CARM1: variants seen among roughly 807,000 people sequenced by gnomAD.
CARM1 encodes the protein histone-arginine methyltransferase CARM1.
CARM1 carries 14 observed loss-of-function variants against 72.7 expected under a neutral mutation model. That is an observed-to-expected ratio of 0.19 (90% CI 0.13 to 0.30). The LOEUF (loss-of-function observed/expected upper bound fraction) is 0.30. Among genes scored for constraint, CARM1 ranks in the 10% least tolerant of loss-of-function variants. The pLI is 1.00. For missense variants in CARM1, 432 were observed against 833.7 expected (o/e 0.52, Z 5.93); for synonymous variants, 333 against 345.5 (o/e 0.96, Z 0.40).
rs1568342773 is a variant in CARM1 at position 10,871,613 on chromosome 19, G to GGCGGCGGCGGCGGCGGCGGCGGCA, written c.-67_-66insAGCGGCGGCGGCGGCGGCGGCGGC. On this transcript the variant is annotated 5_prime_UTR_variant, in exon 1 of 16. Transcript: ENST00000327064. The surrounding 1 kb of genome is among the most constrained non-coding windows in gnomAD (Gnocchi z 5.6). The stretch of plus-strand genomic sequence containing the variant: ...CAGCGGCGGCGGCGGCGGCGGCGGC[G>GGCGGCGGCGGCGGCGGCGGCGGCA]GCGGCGGCGGCGGCGGCGGCGGCGG... The GGCGGCGGCGGCGGCGGCGGCGGCA allele has an allele frequency of 4.0e-3, 556 of 139,108 alleles. No homozygotes were observed. The highest frequency in any genetic ancestry group is 8.5e-3 in the Middle Eastern group (2 of 236). The allele number at this position is 139,108 out of a possible 1,614,324, so 8.6% of individuals were successfully genotyped here.
chr19:10,891,531 C>T lies in CARM1; in HGVS notation c.221-13420C>T, dbSNP rs536052019. Among the ~76,000 whole-genome samples the T allele has an allele frequency of 5.3e-5, 8 of 152,286 alleles. No homozygotes were observed. In the East Asian group the frequency reaches 1.4e-3, roughly 26 times the overall value. On this transcript the variant is annotated intron_variant, in intron 1 of 15. Transcript: ENST00000327064. ...CCAAGCTGAGGAAAGCAGGGCTGTC[C>T]GCCAGCCTCCAGCTGGGTCACAGAA...
rs368839569 is a variant in CARM1 at position 10,891,551 on chromosome 19, A to G, written c.221-13400A>G. ...CTGTCCGCCAGCCTCCAGCTGGGTC[A>G]CAGAAGAGGCTCAGGGCCTGTTCCC... On this transcript the variant is annotated intron_variant, in intron 1 of 15. Coordinates refer to ENST00000327064, the MANE Select transcript of CARM1 (RefSeq NM_199141.2). Among the ~76,000 whole-genome samples the G allele has an allele frequency of 3.0e-3, 460 of 152,268 alleles. 1 individual carries two copies. Among genetic ancestry groups the G allele is most frequent in the African/African-American group, 0.011 (447 of 41,572 alleles).
In CARM1 at chr19:10,904,865, G is replaced by C. The variant is rs554069263; in HGVS notation, c.221-86G>C. The C allele has an allele frequency of 5.8e-6, 9 of 1,544,046 alleles. No individual in the cohort carries two copies. The South Asian group carries it at 9.4e-5, about 16-fold the overall frequency. On this transcript the variant is annotated intron_variant, in intron 1 of 15. Transcript: ENST00000327064. ...AAGAATCTGGGGGCACCAAGGGGAG[G>C]CAGCAGGAGGGCGACAGGGACCCAG...
intron 1 of CARM1, among the ~76,000 whole-genome samples, chr19:10,892,004 C>A (rs2073991536): frequency 6.6e-6 from 1 of 152,162 alleles, no homozygotes; most frequent in South Asian, 2.1e-4. Flanking sequence ...GTGTGCACTG[C>A]CCCTCCTCCC....
At chr19:10,918,616 A>G (rs2074216513) in intron 8 of CARM1, among the ~76,000 whole-genome samples, 1 of 152,100 alleles carries the variant, frequency 6.6e-6, no homozygotes, top group Non-Finnish European at 1.5e-5. Context: ...TCACAAGCGC[A>G]CTGAGTGTGC....
Position 10,916,659 on chromosome 19 carries a change from G to T in CARM1, c.939-37G>T. ...GGCTACCCCACCTGCCTCTTCTGCAGCCCTGACCTTGCTGTGGGGGTGGGG... is the reference window on the plus strand; with the variant it reads ...GGCTACCCCACCTGCCTCTTCTGCATCCCTGACCTTGCTGTGGGGGTGGGG... On this transcript the variant is annotated intron_variant, in intron 7 of 15. Transcript: ENST00000327064. This position sits in a 1 kb window ranked among gnomAD's most constrained non-coding sequence, Gnocchi z 4.4. The T allele has an allele frequency of 6.5e-7, 1 of 1,547,508 alleles. No individual in the cohort carries two copies. Among genetic ancestry groups the T allele is most frequent in the Non-Finnish European group, 8.8e-7 (1 of 1,138,246 alleles).
chr19:10,902,749 C>T (rs557388126), intron 1 of CARM1, among the ~76,000 whole-genome samples: 2 of 152,032 alleles, frequency 1.3e-5, no homozygotes, highest in Non-Finnish European at 2.9e-5. Flanking sequence ...ATTGGGACTA[C>T]AGGCGCATGC....
chr19:10,893,413 A>T (rs1208581416), intron 1 of CARM1, among the ~76,000 whole-genome samples: 1 of 151,778 alleles, frequency 6.6e-6, no homozygotes, highest in Non-Finnish European at 1.5e-5. Flanking sequence ...ATCTCGGCTC[A>T]CTGCAACCTC....
chr19:10,908,723 C>CCTG, intron 3 of CARM1: 1 of 211,288 alleles, frequency 4.7e-6, no homozygotes, highest in Non-Finnish European at 9.8e-6. Flanking sequence ...CCACACCTCA[C>CCTG]CTGCCTGGCG....
At chr19:10,908,981 G>A (rs2074124987) in intron 3 of CARM1, 122 bp from the exon 4 acceptor site, 1 of 663,202 alleles carries the variant, frequency 1.5e-6, no homozygotes, top group Non-Finnish European at 2.7e-6. Context: ...GGCAGAGGGT[G>A]CACGACCTCC....
Position 10,915,858 on chromosome 19 carries a change from C to T in CARM1, c.848-549C>T, listed in dbSNP as rs911282920. Among the ~76,000 whole-genome samples the T allele has an allele frequency of 5.3e-5, 8 of 152,206 alleles. No individual in the cohort carries two copies. The highest frequency in any genetic ancestry group is 1.9e-4 in the African/African-American group (8 of 41,460). ...CCTCAGTCTGTGTGCCCAGACCAGG[C>T]AGGCCAAGTGGCCCATCCTGCCGGC... On this transcript the variant is annotated intron_variant, in intron 6 of 15. Transcript: ENST00000327064. This position sits in a 1 kb window ranked among gnomAD's most constrained non-coding sequence, Gnocchi z 4.6.
At chr19:10,900,896 G>A (rs1196772392) in intron 1 of CARM1, among the ~76,000 whole-genome samples, 1 of 151,868 alleles carries the variant, frequency 6.6e-6, no homozygotes, top group African/African-American at 2.4e-5. Flanking sequence ...TGTTAGCCAG[G>A]ATGGTCTCGA....
intron 1 of CARM1, among the ~76,000 whole-genome samples, chr19:10,873,670 T>C (rs1419107768): frequency 1.5e-5 from 2 of 134,298 alleles, no homozygotes; most frequent in Admixed American, 7.9e-5. Flanking sequence ...GACAGAGTCT[T>C]GCTCGGTCCC....
intron 4 of CARM1, among the ~76,000 whole-genome samples, chr19:10,909,774 G>A (rs1285227818): frequency 6.6e-6 from 1 of 151,958 alleles, no homozygotes; most frequent in Non-Finnish European, 1.5e-5. Context: ...CAAAAAGCAA[G>A]AAAAACAAAT....
chr19:10,917,092 AAG>A (rs1871050066), intron 8 of CARM1, among the ~76,000 whole-genome samples: 1 of 151,976 alleles, frequency 6.6e-6, no homozygotes, highest in Non-Finnish European at 1.5e-5. Context: ...AAAAATAAAA[AAG>A]AACCATTACT....
chr19:10,917,939 T>C (rs1361760690), intron 8 of CARM1, among the ~76,000 whole-genome samples: 1 of 152,144 alleles, frequency 6.6e-6, no homozygotes, highest in Non-Finnish European at 1.5e-5. Flanking sequence ...CTGAAACTCC[T>C]GACCTTAGGT....
chr19:10,907,400 T>G (rs962528003), intron 2 of CARM1, among the ~76,000 whole-genome samples: 2 of 152,140 alleles, frequency 1.3e-5, no homozygotes, highest in Non-Finnish European at 2.9e-5. Context: ...TGGTGATTGG[T>G]GATTCTCTGC....
intron 1 of CARM1, among the ~76,000 whole-genome samples, chr19:10,903,111 A>AG (rs1484665906): frequency 1.3e-5 from 2 of 152,142 alleles, no homozygotes; most frequent in African/African-American, 4.8e-5. Context: ...GTGTTTGTTG[A>AG]AGACACTATT....
At position 10,871,595 on chromosome 19, in the gene CARM1, G is replaced by GGCGGCGGCGGCGGCGGCGGCGGCT. The variant is rs2073813776; in HGVS notation, c.-85_-84insTGCGGCGGCGGCGGCGGCGGCGGC. ...CTGCGGCGGCGGTAGCGGCAGCGGC[G>GGCGGCGGCGGCGGCGGCGGCGGCT]GCGGCGGCGGCGGCGGCGGCGGCGG... On this transcript the variant is annotated 5_prime_UTR_variant, in exon 1 of 16. Coordinates refer to ENST00000327064, the MANE Select transcript of CARM1 (RefSeq NM_199141.2). This position sits in a 1 kb window ranked among gnomAD's most constrained non-coding sequence, Gnocchi z 5.6. The GGCGGCGGCGGCGGCGGCGGCGGCT allele has an allele frequency of 3.3e-5, 2 of 60,446 alleles. No individual in the cohort carries two copies. The highest frequency in any genetic ancestry group is 7.3e-5 in the Non-Finnish European group (2 of 27,394). 3.7% of individuals were successfully genotyped at this position (60,446 alleles called of 1,614,324 possible). A position where few individuals can be genotyped will look rare whatever the true frequency, so the allele number is the denominator to read the frequency against.
Sources: gnomAD v4.1 joint callset for allele counts (sites outside exome capture counted in the v4.1 genomes callset) on GRCh38, gnomAD v4.1.1 for gene constraint, Gnocchi (gnomAD v3.1) non-coding constraint, MANE v1.5 for transcripts, NCBI Gene and HGNC (gene_info 2026-07-23, HGNC 2026-07-21) for gene names.